The following TAFA2 variants were observed in gnomAD, a reference collection of about 807,000 sequenced individuals.
TAFA2 encodes the protein chemokine-like protein TAFA-2.
A neutral mutation model predicts 18.8 loss-of-function variants in TAFA2; 7 were observed. The observed-to-expected ratio is 0.37, with a 90% CI of 0.21 to 0.70. The LOEUF is 0.70. Ranked by LOEUF, TAFA2 falls within the 30% of genes least tolerant of loss-of-function variation. The probability of loss-of-function intolerance (pLI) is 0.53; values close to 1 mark genes in which losing one functional copy is unlikely to be tolerated. For missense variants in TAFA2, 122 were observed against 158.1 expected, an observed-to-expected ratio of 0.77 and a Z score of 1.23; for synonymous variants, 60 against 54.2, an observed-to-expected ratio of 1.11 and a Z score of -0.47.
At chr12:61,763,831 T>C (rs1869667846) in intron 2 of TAFA2, among the ~76,000 whole-genome samples, 1 of 151,932 alleles carries the variant, frequency 6.6e-6, no homozygotes, top group Non-Finnish European at 1.5e-5. Flanking sequence ...GTCCATGAGC[T>C]GCCTTGGTGT....
At chr12:61,812,586 T>C (rs1871919065) in intron 2 of TAFA2, among the ~76,000 whole-genome samples, 1 of 150,348 alleles carries the variant, frequency 6.7e-6, no homozygotes, top group East Asian at 1.9e-4. Flanking sequence ...TTTTTTTTTT[T>C]GGACACAGAG....
At chr12:62,126,984 G>C (rs1310867050) in intron 1 of TAFA2, among the ~76,000 whole-genome samples, 1 of 152,030 alleles carries the variant, frequency 6.6e-6, no homozygotes, top group African/African-American at 2.4e-5. Flanking sequence ...CCATGTACTT[G>C]ACTAGCCAGA....
chr12:62,177,000 G>A (rs1213078194), intron 1 of TAFA2, among the ~76,000 whole-genome samples: 1 of 152,244 alleles, frequency 6.6e-6, no homozygotes, highest in African/African-American at 2.4e-5. Context: ...AAGGACACTA[G>A]TCCCTTACTC....
At chr12:61,742,603 CT>C (rs1162993955) in intron 4 of TAFA2, among the ~76,000 whole-genome samples, 1 of 152,056 alleles carries the variant, frequency 6.6e-6, no homozygotes, top group African/African-American at 2.4e-5. Context: ...CTATGCATTT[CT>C]TTTGAGAGAG....
chr12:62,183,153 C>CATGAATAGT (rs1440523582), intron 1 of TAFA2, among the ~76,000 whole-genome samples: 1 of 152,116 alleles, frequency 6.6e-6, no homozygotes, highest in African/African-American at 2.4e-5. Context: ...GTGGAGCCCT[C>CATGAATAGT]ATGAATAGTA....
At chr12:62,020,359 G>C (rs1881088773) in intron 1 of TAFA2, among the ~76,000 whole-genome samples, 1 of 152,090 alleles carries the variant, frequency 6.6e-6, no homozygotes, top group Admixed American at 6.6e-5. Context: ...AAAAAATGGC[G>C]ACCCTACACT....
chr12:62,103,722 C>A (rs1332806612), intron 1 of TAFA2, among the ~76,000 whole-genome samples: 1 of 146,732 alleles, frequency 6.8e-6, no homozygotes, highest in African/African-American at 2.5e-5. Context: ...GCCTGGGCAA[C>A]AAGCATGAAA....
intron 1 of TAFA2, among the ~76,000 whole-genome samples, chr12:62,238,743 C>G (rs1260118099): frequency 6.6e-6 from 1 of 152,158 alleles, no homozygotes; most frequent in Non-Finnish European, 1.5e-5. Flanking sequence ...TAAGTACTTA[C>G]TAAATATTTG....
chr12:61,923,860 G>T (rs192641473), intron 1 of TAFA2, among the ~76,000 whole-genome samples: 28 of 151,958 alleles, frequency 1.8e-4, no homozygotes, highest in African/African-American at 6.5e-4. Context: ...TACAGGAACT[G>T]CTAACTAGAA....
rs528464220 is a variant in TAFA2 at position 62,241,755 on chromosome 12, C to T, written c.-130+17008G>A. Among the ~76,000 whole-genome samples the T allele has an allele frequency of 1.6e-3, 237 of 152,296 alleles. 3 individuals carry two copies. The highest frequency in any genetic ancestry group is 5.4e-3 in the African/African-American group (223 of 41,562). On this transcript the variant is annotated intron_variant, in intron 1 of 5. Transcript: ENST00000551619. The stretch of plus-strand genomic sequence containing the variant: ...AACATGAAAGAAAGAATGATTAATA[C>T]TGACCTGCCACTGAATATGACCTTA...
rs187138580 is a variant in TAFA2 at position 61,848,698 on chromosome 12, G to A, written c.106+18622C>T. Among the ~76,000 whole-genome samples, 1,196 of 145,568 alleles carry A rather than the reference G, an allele frequency of 8.2e-3. 4 individuals are homozygous for A. Among genetic ancestry groups the A allele is most frequent in the Non-Finnish European group, 0.014 (900 of 66,396 alleles). On this transcript the variant is annotated intron_variant, in intron 2 of 4. Coordinates refer to ENST00000416284, the MANE Select transcript of TAFA2 (RefSeq NM_178539.5). ...TTCAGTTATCCTGTTTGAAGAAAAA[G>A]GACAAATAAAACATGGCCAGCAAAA... is the stretch of plus-strand genomic sequence containing the variant.
At chr12:62,010,719 G>A (rs544121460) in intron 1 of TAFA2, among the ~76,000 whole-genome samples, 94 of 137,366 alleles carry the variant, frequency 6.8e-4, no homozygotes, top group African/African-American at 2.4e-3. Flanking sequence ...GCCTCTGCCC[G>A]GCCGCCCCGT....
chr12:61,928,756 A>G (rs554992047), intron 1 of TAFA2, among the ~76,000 whole-genome samples: 20 of 152,284 alleles, frequency 1.3e-4, no homozygotes, highest in African/African-American at 4.8e-4. Context: ...CAAAGACTTG[A>G]AACCAACCCA....
intron 1 of TAFA2, among the ~76,000 whole-genome samples, chr12:62,226,077 T>C (rs1319329768): frequency 6.6e-6 from 1 of 152,230 alleles, no homozygotes; most frequent in Non-Finnish European, 1.5e-5. Context: ...GTTTGTTGGC[T>C]CTTTCTAAGA....
At chr12:62,111,553 T>C (rs1411922629) in intron 1 of TAFA2, among the ~76,000 whole-genome samples, 2 of 152,226 alleles carry the variant, frequency 1.3e-5, no homozygotes, top group African/African-American at 2.4e-5. Context: ...GTTAATTTTC[T>C]GTCTCATTGA....
intron 1 of TAFA2, among the ~76,000 whole-genome samples, chr12:61,927,073 A>G (rs1357170727): frequency 6.9e-6 from 1 of 145,612 alleles, no homozygotes; most frequent in Non-Finnish European, 1.5e-5. Flanking sequence ...GACTCTGAAA[A>G]AAAAAAAAAA....
intron 4 of TAFA2, among the ~76,000 whole-genome samples, chr12:61,715,844 G>A (rs1232322418): frequency 2.0e-5 from 3 of 151,920 alleles, no homozygotes; most frequent in African/African-American, 7.3e-5. Flanking sequence ...TTGAGCCCAA[G>A]AGGTCATGTC....
chr12:61,860,118 C>T (rs1037399054), intron 2 of TAFA2, among the ~76,000 whole-genome samples: 2 of 152,104 alleles, frequency 1.3e-5, no homozygotes, highest in East Asian at 3.9e-4. Context: ...ACAGCATGCT[C>T]TCAAATATGT....
intron 1 of TAFA2, among the ~76,000 whole-genome samples, chr12:61,995,190 T>G (rs574497153): frequency 6.6e-6 from 1 of 152,324 alleles, no homozygotes; most frequent in Admixed American, 6.5e-5. Context: ...AGTCATCTTA[T>G]GCCACTGTCA....
Sources: gnomAD v4.1 joint callset for allele counts (sites outside exome capture counted in the v4.1 genomes callset) on GRCh38, gnomAD v4.1.1 for gene constraint, MANE v1.5 for transcripts, NCBI Gene and HGNC (gene_info 2026-07-23, HGNC 2026-07-21) for gene names.